Variants in KEAP1 observed in about 807,000 individuals in gnomAD.
The protein encoded by KEAP1 is kelch like ECH associated protein 1.
In KEAP1, 26 loss-of-function variants were observed where a neutral mutation model predicts 59.7. That is an observed-to-expected ratio of 0.44 (90% CI 0.32 to 0.60). The LOEUF is 0.60. Among genes scored for constraint, KEAP1 ranks in the 20% least tolerant of loss-of-function variants. The probability of loss-of-function intolerance (pLI) is 0.06; values close to 1 mark genes in which losing one functional copy is unlikely to be tolerated. For missense variants in KEAP1, 539 were observed against 871.4 expected (o/e 0.62, Z 4.80); for synonymous variants, 350 against 358.3 (o/e 0.98, Z 0.26).
At chr19:10,501,434 C>G (rs1219642121) in intron 1 of KEAP1, among the ~76,000 whole-genome samples, 1 of 151,826 alleles carries the variant, frequency 6.6e-6, no homozygotes, top group African/African-American at 2.4e-5. Flanking sequence ...TCGAGACCAT[C>G]CTGGCTAACA....
At chr19:10,487,104 G>A (rs551278571) in intron 5 of KEAP1, among the ~76,000 whole-genome samples, 41 of 151,484 alleles carry the variant, frequency 2.7e-4, no homozygotes, top group Admixed American at 4.6e-4. Flanking sequence ...AGCACTTTGG[G>A]AGACTGAGGT....
chr19:10,489,709 G>GT lies in KEAP1; in HGVS notation c.1469dup (p.Tyr490Ter). ...TTCGCCACTCGTTCCTCTCTGGGTA[G>GT]TAACACTCAGCTGAATTAAGGCGGT... ...GTNRLNSAEC[Y>*]YPERNEWRMI... Residue 490 changes from tyrosine to a stop codon, truncating the protein, a stop_gained and frameshift_variant, in exon 4 of 6, where the codon TAC becomes TAAC. Transcript: ENST00000171111. LOFTEE classifies it high-confidence loss of function. 1 of 1,613,998 alleles carries GT rather than the reference G, an allele frequency of 6.2e-7. No homozygotes were observed. The highest frequency in any genetic ancestry group is 8.5e-7 in the Non-Finnish European group (1 of 1,180,020).
rs192661422 is a variant in KEAP1 at position 10,500,212 on chromosome 19, C to T, written c.-47-132G>A. The T allele has an allele frequency of 5.0e-5, 32 of 643,298 alleles. No individual in the cohort carries two copies. In the East Asian group the frequency reaches 7.3e-4, roughly 15 times the overall value. The allele number at this position is 643,298 out of a possible 1,614,324, so 39.8% of individuals were successfully genotyped here. On this transcript the variant is annotated intron_variant, in intron 1 of 5. Coordinates refer to ENST00000171111, the MANE Select transcript of KEAP1 (RefSeq NM_203500.2). ...AAGTAGGTGAAGCAGAATCCATTTG[C>T]AAACTTGCAAACTTCCCCGACCTGA...
rs1402273110 is a variant in KEAP1, at chr19:10,492,184, G to A, written c.718C>T (p.Arg240Cys). The A allele has an allele frequency of 1.2e-6, 2 of 1,614,072 alleles. No individual in the cohort carries two copies. The highest frequency in any genetic ancestry group is 1.3e-5 in the African/African-American group (1 of 75,046). Residue 240 changes from arginine to cysteine, a missense_variant, in exon 3 of 6, where the codon CGC becomes TGC. Transcript: ENST00000171111. The stretch of plus-strand genomic sequence containing the variant: ...GCGTGGAAGACCTCGGACTCGCAGC[G>A]CACGTTCAGGTCGTCCCGGCTGATG... Reference protein sequence around the residue: ...TLISRDDLNVRCESEVFHACI... With the variant: ...TLISRDDLNVCCESEVFHACI...
intron 2 of KEAP1, among the ~76,000 whole-genome samples, chr19:10,495,763 C>T (rs1253973355): frequency 2.0e-5 from 3 of 151,948 alleles, no homozygotes; most frequent in Non-Finnish European, 4.4e-5. Flanking sequence ...CCGACCACTT[C>T]GTAGGTGTGT....
rs1449745154 is a variant in KEAP1, at chr19:10,491,864, G to A, written c.1038C>T (p.Asn346=). Reference sequence around the variant, plus strand: ...ACCGGAGCCAGGTGCCGTCACTGGGGTTGTAAGCCTCCAGGTAGCTGAGCG... The same window carrying A: ...ACCGGAGCCAGGTGCCGTCACTGGGATTGTAAGCCTCCAGGTAGCTGAGCG... ...RQSLSYLEAY[N]PSDGTWLRLA... is the part of the protein sequence containing the mutation. Residue 346 remains asparagine (N), a synonymous_variant, in exon 3 of 6, where the codon AAC becomes AAT. Coordinates refer to ENST00000171111, the MANE Select transcript of KEAP1 (RefSeq NM_203500.2). This position sits in a 1 kb window ranked among gnomAD's most constrained non-coding sequence, Gnocchi z 5.2. 4 of 1,612,594 alleles carry A rather than the reference G, an allele frequency of 2.5e-6. No individual in the cohort carries two copies. In the South Asian group the frequency reaches 3.3e-5, roughly 13 times the overall value.
At chr19:10,496,295 AG>A (rs913096650) in intron 2 of KEAP1, among the ~76,000 whole-genome samples, 26 of 152,220 alleles carry the variant, frequency 1.7e-4, no homozygotes, top group African/African-American at 6.3e-4. Context: ...CAGGAGTTCA[AG>A]ACCAGCCTGA....
intron 2 of KEAP1, among the ~76,000 whole-genome samples, chr19:10,496,710 A>G (rs1034230157): frequency 2.0e-5 from 3 of 151,900 alleles, no homozygotes; most frequent in Non-Finnish European, 2.9e-5. Context: ...CTGAGGCATG[A>G]GAATCGCTTG....
chr19:10,491,895 C>T lies in KEAP1; in HGVS notation c.1007G>A (p.Arg336Gln), dbSNP rs1352112075. 3.1e-6 allele frequency: 5 copies of T among 1,613,424 alleles called. No homozygotes were observed. In the South Asian group the frequency reaches 3.3e-5, roughly 11 times the overall value. Reference protein sequence around the residue: ...RLIYTAGGYFRQSLSYLEAYN... With the variant: ...RLIYTAGGYFQQSLSYLEAYN... ...AGCCTCCAGGTAGCTGAGCGACTGTCGGAAGTAGCCGCCCGCGGTGTAGAT... is the reference window on the plus strand; with the variant it reads ...AGCCTCCAGGTAGCTGAGCGACTGTTGGAAGTAGCCGCCCGCGGTGTAGAT... Residue 336 changes from arginine (R) to glutamine (Q), a missense_variant, in exon 3 of 6, where the codon CGA becomes CAA. Coordinates refer to ENST00000171111, the MANE Select transcript of KEAP1 (RefSeq NM_203500.2). The surrounding 1 kb of genome is among the most constrained non-coding windows in gnomAD (Gnocchi z 5.2).
intron 5 of KEAP1, among the ~76,000 whole-genome samples, chr19:10,488,339 G>A (rs527413312): frequency 1.6e-4 from 24 of 151,810 alleles, no homozygotes; most frequent in Admixed American, 1.1e-3. Context: ...TAAGCTGGGC[G>A]CGGTGGCTCA....
Position 10,492,076 on chromosome 19 carries a change from A to G in KEAP1, c.826T>C (p.Leu276=), listed in dbSNP as rs770857083. ...ALLRAVRCHS[L]TPNFLQMQLQ... ...TGCATCTGCAGGAAGTTCGGCGTCA[A>G]CGAGTGGCAGCGCACGGCCCGCAGC... Residue 276 remains leucine (L), a synonymous_variant, in exon 3 of 6, where the codon TTG becomes CTG. Transcript: ENST00000171111. 1.5e-5 allele frequency: 25 copies of G among 1,613,914 alleles called. No individual in the cohort carries two copies. The highest frequency in any genetic ancestry group is 2.0e-5 in the Non-Finnish European group (24 of 1,180,046).
chr19:10,489,590 C>T (rs1300094945), intron 4 of KEAP1, 58 bp downstream of exon 4: 17 of 1,581,718 alleles, frequency 1.1e-5, no homozygotes, highest in African/African-American at 2.7e-5. Flanking sequence ...GGCTCAGTTT[C>T]ACCCCAGGAT....
chr19:10,496,936 T>C (rs1235412060), intron 2 of KEAP1, among the ~76,000 whole-genome samples: 1 of 151,974 alleles, frequency 6.6e-6, no homozygotes, highest in East Asian at 1.9e-4. Flanking sequence ...CTGGCCAACA[T>C]GGTGAAACCC....
At position 10,502,982 on chromosome 19, in the gene KEAP1, C is replaced by G. The variant is rs1263191484; in HGVS notation, c.-48+259G>C. ...ACGCGACCCTGAGCGCGCTTAGCCG[C>G]GTGGTCCGAGTCGCGGGGAGTCTGA... On this transcript the variant is annotated intron_variant, in intron 1 of 5. Coordinates refer to ENST00000171111, the MANE Select transcript of KEAP1 (RefSeq NM_203500.2). The surrounding 1 kb of genome is among the most constrained non-coding windows in gnomAD (Gnocchi z 4.0). 1 of 152,022 alleles carries G rather than the reference C, an allele frequency of 6.6e-6. No homozygotes were observed. The highest frequency in any genetic ancestry group is 6.5e-5 in the Admixed American group (1 of 15,280). The allele number at this position is 152,022 out of a possible 1,614,324, so 9.4% of individuals were successfully genotyped here.
intron 2 of KEAP1, chr19:10,492,505 T>C: frequency 2.0e-6 from 1 of 500,734 alleles, no homozygotes; most frequent in South Asian, 2.2e-5. Flanking sequence ...GATCACGAGG[T>C]CAGGAGTTGA....
rs988556929 is a variant in KEAP1 at position 10,502,048 on chromosome 19, C to T, written c.-48+1193G>A. Among the ~76,000 whole-genome samples, 2 of 152,232 alleles carry T rather than the reference C, an allele frequency of 1.3e-5. No individual in the cohort carries two copies. The highest frequency in any genetic ancestry group is 4.8e-5 in the African/African-American group (2 of 41,462). The stretch of plus-strand genomic sequence containing the variant: ...TGTCTCTCGTCCCCGGCCCCAGCGC[C>T]TCAAATGGCAGGGAGACCTATGTAG... On this transcript the variant is annotated intron_variant, in intron 1 of 5. Transcript: ENST00000171111. This position sits in a 1 kb window ranked among gnomAD's most constrained non-coding sequence, Gnocchi z 4.0.
chr19:10,501,419 G>T (rs906669540), intron 1 of KEAP1, among the ~76,000 whole-genome samples: 1 of 151,782 alleles, frequency 6.6e-6, no homozygotes. Flanking sequence ...CACAAGGTCA[G>T]AAGATCGAGA....
intron 1 of KEAP1, among the ~76,000 whole-genome samples, chr19:10,500,852 G>C (rs972163586): frequency 1.3e-5 from 2 of 152,002 alleles, no homozygotes; most frequent in South Asian, 2.1e-4. Context: ...GCTAGTTTTT[G>C]TATTTTTAGC....
intron 2 of KEAP1, among the ~76,000 whole-genome samples, chr19:10,497,745 T>G (rs1025969163): frequency 2.1e-4 from 32 of 152,006 alleles, no homozygotes; most frequent in African/African-American, 7.7e-4. Flanking sequence ...AACTAAAAAA[T>G]TAGCCATGCG....
Sources: allele counts gnomAD v4.1 joint callset (sites outside exome capture counted in the v4.1 genomes callset), GRCh38; gene constraint gnomAD v4.1.1; non-coding constraint Gnocchi (gnomAD v3.1); transcripts MANE v1.5; gene names NCBI Gene and HGNC (gene_info 2026-07-23, HGNC 2026-07-21).